Variants in OLFM3 observed in about 807,000 individuals in gnomAD.
OLFM3 encodes noelin-3.
Under a neutral mutation model 48.6 loss-of-function variants are expected in OLFM3, and 20 were observed. The ratio of observed to expected loss-of-function variants is 0.41; its 90% CI spans 0.29 to 0.60. The LOEUF is 0.60. Ranked by LOEUF, OLFM3 falls within the 20% of genes least tolerant of loss-of-function variation. OLFM3 has a pLI of 0.28. For synonymous variants in OLFM3, 222 were observed against 198.1 expected (o/e 1.12, Z -1.01); for missense variants, 437 against 544.3 (o/e 0.80, Z 1.96).
chr1:101,931,676 AAGGCTCCTCATGCTTTCCAGAATCCAC>A (rs1659449239), intron 1 of OLFM3, among the ~76,000 whole-genome samples: 1 of 152,222 alleles, frequency 6.6e-6, no homozygotes, highest in South Asian at 2.1e-4. Context: ...GAGAAGATAG[AAGGCTCCTCATGCTTTCCAGAATCCAC>A]AGGTGTTTTG....
intron 1 of OLFM3, among the ~76,000 whole-genome samples, chr1:101,906,523 T>A (rs1429267969): frequency 1.3e-5 from 2 of 152,118 alleles, no homozygotes; most frequent in Admixed American, 6.6e-5. Flanking sequence ...AGATAAATGG[T>A]CAAGGACTTA....
At chr1:101,824,933 G>T in intron 4 of OLFM3, 93 bp downstream of exon 4, 1 of 1,074,794 alleles carries the variant, frequency 9.3e-7, no homozygotes, top group Middle Eastern at 3.1e-4. Flanking sequence ...TTTACAATTA[G>T]ATATTTTATG....
chr1:101,992,866 C>A (rs1182468784), intron 1 of OLFM3, among the ~76,000 whole-genome samples: 1 of 152,098 alleles, frequency 6.6e-6, no homozygotes. Flanking sequence ...GGCAAGAGAT[C>A]TAATTGCCTG....
Position 101,954,590 on chromosome 1 carries a change from C to T in OLFM3, c.69+42158G>A, listed in dbSNP as rs76408304. 7.7e-4 allele frequency among the ~76,000 whole-genome samples: 117 copies of T among 152,106 alleles called. 1 individual carries two copies. The East Asian group carries it at 0.021, about 27-fold the overall frequency. ...CTTGAGTGTCAATAATAACTTTTGG[C>T]TAAAAGTAATAACTCTACTTTCAAC... On this transcript the variant is annotated intron_variant, in intron 1 of 5. Transcript: ENST00000370103.
chr1:101,916,855 G>A (rs564363409), intron 1 of OLFM3, among the ~76,000 whole-genome samples: 101 of 152,196 alleles, frequency 6.6e-4, no homozygotes, highest in African/African-American at 2.1e-3. Flanking sequence ...ACGTATGAGC[G>A]AATTAAGCAC....
intron 1 of OLFM3, among the ~76,000 whole-genome samples, chr1:101,870,221 T>C (rs1012470510): frequency 7.9e-5 from 12 of 152,290 alleles, no homozygotes; most frequent in African/African-American, 2.9e-4. Flanking sequence ...TATATCTCTT[T>C]GTAGCTGAAA....
At chr1:101,995,160 ATAAAACTCACTT>A (rs1661523942) in intron 1 of OLFM3, among the ~76,000 whole-genome samples, 1 of 152,134 alleles carries the variant, frequency 6.6e-6, no homozygotes, top group African/African-American at 2.4e-5. Flanking sequence ...AGAAAAACAA[ATAAAACTCACTT>A]TAAGTCAAGT....
intron 1 of OLFM3, among the ~76,000 whole-genome samples, chr1:101,864,518 G>A (rs1656782010): frequency 6.6e-6 from 1 of 152,124 alleles, no homozygotes; most frequent in Non-Finnish European, 1.5e-5. Context: ...TATTTTAGCT[G>A]TGTTAGTATG....
chr1:101,833,919 G>A (rs1411959458), intron 2 of OLFM3, among the ~76,000 whole-genome samples: 1 of 152,034 alleles, frequency 6.6e-6, no homozygotes, highest in Non-Finnish European at 1.5e-5. Context: ...GAGGATGATG[G>A]CAGTGTCCTA....
intron 1 of OLFM3, among the ~76,000 whole-genome samples, chr1:101,910,821 C>T (rs541604137): frequency 9.9e-5 from 15 of 152,224 alleles, no homozygotes; most frequent in East Asian, 3.9e-4. Flanking sequence ...ATGCCTAAAT[C>T]CCTGATAGAA....
intron 4 of OLFM3, among the ~76,000 whole-genome samples, chr1:101,817,395 T>C (rs1654384486): frequency 6.6e-6 from 1 of 152,176 alleles, no homozygotes; most frequent in Non-Finnish European, 1.5e-5. Context: ...GAAAATGTAC[T>C]GAAATATACA....
chr1:101,868,226 G>GT (rs1656933325), intron 1 of OLFM3, among the ~76,000 whole-genome samples: 1 of 152,198 alleles, frequency 6.6e-6, no homozygotes, highest in African/African-American at 2.4e-5. Flanking sequence ...TTGGAATTGG[G>GT]TAACAGCCAG....
At chr1:101,980,686 A>G (rs1180189027) in intron 1 of OLFM3, among the ~76,000 whole-genome samples, 1 of 152,174 alleles carries the variant, frequency 6.6e-6, no homozygotes, top group East Asian at 1.9e-4. Context: ...GACTAACACA[A>G]CCACCTAGGG....
chr1:101,923,417 A>G (rs558161045), intron 1 of OLFM3, among the ~76,000 whole-genome samples: 15 of 152,310 alleles, frequency 9.8e-5, no homozygotes, highest in Non-Finnish European at 1.6e-4. Flanking sequence ...ACTAAATTCT[A>G]CAGGGGAATC....
intron 1 of OLFM3, among the ~76,000 whole-genome samples, chr1:101,928,963 G>A (rs910448894): frequency 6.6e-6 from 1 of 151,972 alleles, no homozygotes; most frequent in Admixed American, 6.6e-5. Context: ...TTGTTCTTAC[G>A]GCTTCACTTG....
chr1:101,807,647 C>T (rs958980603), intron 4 of OLFM3, among the ~76,000 whole-genome samples: 1 of 151,784 alleles, frequency 6.6e-6, no homozygotes, highest in African/African-American at 2.4e-5. Flanking sequence ...TTTTGCACTA[C>T]TAGTTTAGTG....
intron 1 of OLFM3, among the ~76,000 whole-genome samples, chr1:101,976,563 C>G (rs1309382846): frequency 1.3e-5 from 2 of 152,178 alleles, no homozygotes; most frequent in African/African-American, 4.8e-5. Flanking sequence ...TAGATACCGA[C>G]AGAAACTATT....
chr1:101,895,616 T>C (rs886505839), intron 1 of OLFM3, among the ~76,000 whole-genome samples: 3 of 152,174 alleles, frequency 2.0e-5, no homozygotes, highest in Non-Finnish European at 4.4e-5. Context: ...CTTTGATCCA[T>C]GTCAAGATAG....
chr1:101,805,577 C>T (rs181310890), intron 5 of OLFM3, among the ~76,000 whole-genome samples: 2 of 151,732 alleles, frequency 1.3e-5, no homozygotes, highest in African/African-American at 2.4e-5. Context: ...TATGAAAATA[C>T]CTCCCAGAAG....
Sources: allele counts gnomAD v4.1 joint callset (sites outside exome capture counted in the v4.1 genomes callset), GRCh38; gene constraint gnomAD v4.1.1; transcripts MANE v1.5; gene names NCBI Gene and HGNC (gene_info 2026-07-23, HGNC 2026-07-21).